Variants in PCDHA9 observed in about 807,000 individuals in gnomAD.
PCDHA9 encodes the protein protocadherin alpha-9.
In PCDHA9, 62 loss-of-function variants were observed where a neutral mutation model predicts 62.0. That is an observed-to-expected ratio of 1.00 (90% confidence interval 0.81 to 1.23). The LOEUF (loss-of-function observed/expected upper bound fraction) is 1.23, where lower values mean the gene tolerates loss of function less well. Ranked by LOEUF, PCDHA9 falls within the 50% of genes most tolerant of loss-of-function variation. The pLI is 0.00. For missense variants in PCDHA9, 1,205 were observed against 1,249.8 expected (o/e 0.96, Z 0.54); for synonymous variants, 557 against 567.6 (o/e 0.98, Z 0.27).
At chr5:140,885,482 G>A (rs1174553739) in intron 1 of PCDHA9, among the ~76,000 whole-genome samples, 1 of 152,150 alleles carries the variant, frequency 6.6e-6, no homozygotes, top group Non-Finnish European at 1.5e-5. Context: ...TTTGTGTCAA[G>A]TGTTCTGTTA....
intron 3 of PCDHA9, among the ~76,000 whole-genome samples, chr5:141,008,307 G>A (rs1212029861): frequency 2.0e-5 from 3 of 152,176 alleles, no homozygotes; most frequent in Admixed American, 1.3e-4. Context: ...ACCCTAAACT[G>A]TAATTGAACA....
intron 1 of PCDHA9, chr5:140,929,505 C>A: frequency 1.2e-6 from 1 of 840,606 alleles, no homozygotes; most frequent in Non-Finnish European, 1.7e-6. Flanking sequence ...TGCCCTAGGC[C>A]TCAAGGGACT....
intron 1 of PCDHA9, among the ~76,000 whole-genome samples, chr5:140,901,586 T>C (rs550614771): frequency 9.2e-5 from 14 of 152,348 alleles, no homozygotes; most frequent in African/African-American, 3.4e-4. Context: ...AGTGCCATGA[T>C]GTTTTGGTTA....
intron 3 of PCDHA9, among the ~76,000 whole-genome samples, chr5:140,985,006 C>T (rs892412151): frequency 1.3e-5 from 2 of 151,922 alleles, no homozygotes; most frequent in South Asian, 2.1e-4. Context: ...GGCACGATAT[C>T]GGCTCACAGC....
rs116232949 is a variant in PCDHA9, at chr5:140,982,448, G to A, written c.2454-27G>A. The A allele has an allele frequency of 4.0e-3, 6,396 of 1,613,770 alleles. 180 individuals carry two copies. In the African/African-American group the frequency reaches 0.067, roughly 17 times the overall value. ...ATGGGAAAGAATTTATGATCTAACC[G>A]TTATCTGGGTCTGTGTGTTTATTCA... On this transcript the variant is annotated intron_variant, in intron 2 of 3. Coordinates refer to ENST00000532602, the MANE Select transcript of PCDHA9 (RefSeq NM_031857.2).
At chr5:140,968,283 A>G in intron 1 of PCDHA9, 1 of 1,613,726 alleles carries the variant, frequency 6.2e-7, no homozygotes, top group Non-Finnish European at 8.5e-7. Flanking sequence ...GAGGTGACCT[A>G]CTCCCTTCTG....
Position 140,882,692 on chromosome 5 carries a change from AT to A in PCDHA9, c.2394+31805del, listed in dbSNP as rs782355155. On this transcript the variant is annotated intron_variant, in intron 1 of 3. Coordinates refer to ENST00000532602, the MANE Select transcript of PCDHA9 (RefSeq NM_031857.2). The stretch of plus-strand genomic sequence containing the variant: ...CCCTGAAAGCAAGAAACGAATAATC[AT>A]TGCAGAATCTAGACCTCCGGAAACT... The A allele has an allele frequency of 2.1e-5, 34 of 1,614,204 alleles. No individual in the cohort carries two copies. In the South Asian group the frequency reaches 3.5e-4, roughly 17 times the overall value.
intron 3 of PCDHA9, among the ~76,000 whole-genome samples, chr5:141,007,590 GATA>G (rs1332143320): frequency 4.0e-5 from 6 of 151,858 alleles, no homozygotes; most frequent in Non-Finnish European, 8.8e-5. Context: ...TAATAATCAT[GATA>G]ATAATAAAAG....
intron 1 of PCDHA9, chr5:140,883,472 A>G (rs782442737): frequency 1.2e-5 from 20 of 1,614,018 alleles, no homozygotes; most frequent in Non-Finnish European, 1.4e-5. Context: ...GTCCACCTAC[A>G]AGAACTACTA....
At chr5:140,873,210 A>G (rs1372631390) in intron 1 of PCDHA9, among the ~76,000 whole-genome samples, 2 of 152,208 alleles carry the variant, frequency 1.3e-5, no homozygotes, top group African/African-American at 4.8e-5. Flanking sequence ...TTCTTTAAGT[A>G]TTAAAGAGAA....
intron 3 of PCDHA9, among the ~76,000 whole-genome samples, chr5:141,005,035 GT>G (rs1272983494): frequency 6.6e-6 from 1 of 152,194 alleles, no homozygotes; most frequent in African/African-American, 2.4e-5. Context: ...TTGCCCATAT[GT>G]GATACCATTT....
intron 1 of PCDHA9, among the ~76,000 whole-genome samples, chr5:140,899,245 G>A (rs2067216472): frequency 6.6e-6 from 1 of 152,128 alleles, no homozygotes; most frequent in Non-Finnish European, 1.5e-5. Context: ...GGAGTGGTGA[G>A]AGAGGGCATC....
intron 1 of PCDHA9, chr5:140,883,703 G>C: frequency 6.2e-7 from 1 of 1,613,802 alleles, no homozygotes; most frequent in Non-Finnish European, 8.5e-7. Context: ...CACGGTGTCT[G>C]CTCAGGACGC....
intron 2 of PCDHA9, among the ~76,000 whole-genome samples, chr5:140,981,682 C>T (rs2096944253): frequency 6.6e-6 from 1 of 151,668 alleles, no homozygotes; most frequent in South Asian, 2.1e-4. Flanking sequence ...TCCTTCCTCC[C>T]TTCCATCATT....
At chr5:140,915,531 T>C (rs1258680816) in intron 1 of PCDHA9, among the ~76,000 whole-genome samples, 1 of 152,150 alleles carries the variant, frequency 6.6e-6, no homozygotes, top group Non-Finnish European at 1.5e-5. Context: ...AGGTACCATC[T>C]TGGAGGTCTT....
At chr5:140,921,621 A>G (rs1274986378) in intron 1 of PCDHA9, among the ~76,000 whole-genome samples, 1 of 152,222 alleles carries the variant, frequency 6.6e-6, no homozygotes, top group African/African-American at 2.4e-5. Context: ...ATATCATCAG[A>G]TCATCATTAT....
chr5:140,979,949 A>G (rs1554241287), intron 2 of PCDHA9, among the ~76,000 whole-genome samples: 2 of 152,248 alleles, frequency 1.3e-5, no homozygotes, highest in African/African-American at 4.8e-5. Context: ...TTAATGTGAA[A>G]TTAGTTTTAG....
At chr5:140,987,588 A>G (rs1479484790) in intron 3 of PCDHA9, among the ~76,000 whole-genome samples, 1 of 152,220 alleles carries the variant, frequency 6.6e-6, no homozygotes, top group Non-Finnish European at 1.5e-5. Flanking sequence ...TGGGGAGAAT[A>G]GTGGTGTCTA....
chr5:140,867,224 C>A (rs1432488021), intron 1 of PCDHA9: 7 of 152,034 alleles, frequency 4.6e-5, no homozygotes, highest in African/African-American at 1.4e-4. Flanking sequence ...TCCCCAATTC[C>A]CATAATAAGG....
Sources: allele counts gnomAD v4.1 joint callset (sites outside exome capture counted in the v4.1 genomes callset), GRCh38; gene constraint gnomAD v4.1.1; transcripts MANE v1.5; gene names NCBI Gene and HGNC (gene_info 2026-07-23, HGNC 2026-07-21).